Variants in PCDHGB7 observed in about 807,000 individuals in gnomAD.
The protein encoded by PCDHGB7 is protocadherin gamma-B7.
A neutral mutation model predicts 61.4 loss-of-function variants in PCDHGB7; 37 were observed. The ratio of observed to expected loss-of-function variants is 0.60; its 90% CI spans 0.46 to 0.79. The LOEUF is 0.79. Among genes scored for constraint, PCDHGB7 ranks in the 30% least tolerant of loss-of-function variants. The pLI is 0.00. For synonymous variants in PCDHGB7, 464 were observed against 503.5 expected (o/e 0.92, Z 1.05); for missense variants, 1,166 against 1,202.5 (o/e 0.97, Z 0.45).
In PCDHGB7 at chr5:141,512,903, C is replaced by G. The variant is rs2099884492; in HGVS notation, c.*1730C>G. On this transcript the variant is annotated 3_prime_UTR_variant, in exon 4 of 4. Coordinates refer to ENST00000398594, the MANE Select transcript of PCDHGB7 (RefSeq NM_018927.4). ...CCCCACCCTCTTCCTGTGTCTCACG[C>G]AAGTTTTATACTCTAATATTTATAT... 6.6e-6 allele frequency: 1 copy of G among 152,224 alleles called. No homozygotes were observed. Among genetic ancestry groups the G allele is most frequent in the African/African-American group, 2.4e-5 (1 of 41,452 alleles). 9.4% of individuals were successfully genotyped at this position (152,224 alleles called of 1,614,324 possible).
At chr5:141,450,509 G>A (rs2098683055) in intron 1 of PCDHGB7, among the ~76,000 whole-genome samples, 1 of 151,878 alleles carries the variant, frequency 6.6e-6, no homozygotes, top group African/African-American at 2.4e-5. Flanking sequence ...GTTTTGAGAT[G>A]GAGTCTCATT....
chr5:141,478,145 T>C (rs1252008984), intron 1 of PCDHGB7: 1 of 1,614,026 alleles, frequency 6.2e-7, no homozygotes. Context: ...CCGAGCCGAG[T>C]TCCCCTCTGG....
intron 3 of PCDHGB7, among the ~76,000 whole-genome samples, chr5:141,506,363 C>T (rs1013247178): frequency 4.0e-5 from 6 of 150,792 alleles, no homozygotes; most frequent in South Asian, 4.2e-4. Context: ...GCAGGAGAAT[C>T]GCTTGAACCT....
intron 1 of PCDHGB7, among the ~76,000 whole-genome samples, chr5:141,450,047 C>T (rs2098667027): frequency 2.2e-5 from 3 of 136,836 alleles, no homozygotes; most frequent in African/African-American, 8.5e-5. Flanking sequence ...CACTCTTTCG[C>T]CCAGGCTGGA....
Position 141,419,264 on chromosome 5 carries a change from G to T in PCDHGB7, c.1405G>T (p.Ala469Ser), listed in dbSNP as rs2096351955. 6.2e-7 allele frequency: 1 copy of T among 1,614,036 alleles called. No homozygotes were observed. Among genetic ancestry groups the T allele is most frequent in the Non-Finnish European group, 8.5e-7 (1 of 1,179,892 alleles). Residue 469 changes from alanine (A) to serine (S), a missense_variant, in exon 1 of 4, where the codon GCC (alanine) becomes TCC (serine). Ala to Ser is a moderately conservative substitution (Grantham distance 99, BLOSUM62 1). Transcript: ENST00000398594. ...CGTGCCAGAAAACAACCAGCCGGGT[G>T]CCTCCATAGCGCAAGTCAGTGCCTC... The part of the protein sequence containing the change: ...VHVPENNQPG[A>S]SIAQVSASDP...
In PCDHGB7 at chr5:141,427,541, C is replaced by G. The variant is rs541988301; in HGVS notation, c.2415+7267C>G. ...AGCGGATCCCGGAGTACAACGTCACCATCACTGCCACTGACAAGGGCAAGC... is the reference window on the plus strand; with the variant it reads ...AGCGGATCCCGGAGTACAACGTCACGATCACTGCCACTGACAAGGGCAAGC... On this transcript the variant is annotated intron_variant, in intron 1 of 3. Coordinates refer to ENST00000398594, the MANE Select transcript of PCDHGB7 (RefSeq NM_018927.4). 3.1e-5 allele frequency: 20 copies of G among 635,320 alleles called. No individual in the cohort carries two copies. The African/African-American group carries it at 3.6e-4, about 11-fold the overall frequency. The allele number at this position is 635,320 out of a possible 1,614,324, so 39.4% of individuals were successfully genotyped here.
Position 141,491,522 on chromosome 5 carries a change from A to G in PCDHGB7, c.2416-3285A>G, listed in dbSNP as rs778246278. ...TCGGACGGCACGCTCAAGTACATGG[A>G]GGTGACGCTGCGGCCCACAGACTCG... is the stretch of plus-strand genomic sequence containing the variant. On this transcript the variant is annotated intron_variant, in intron 1 of 3. Coordinates refer to ENST00000398594, the MANE Select transcript of PCDHGB7 (RefSeq NM_018927.4). The surrounding 1 kb of genome is among the most constrained non-coding windows in gnomAD (Gnocchi z 6.9). 8.1e-6 allele frequency: 13 copies of G among 1,614,024 alleles called. No homozygotes were observed. Among genetic ancestry groups the G allele is most frequent in the Non-Finnish European group, 1.1e-5 (13 of 1,180,002 alleles).
At chr5:141,466,280 C>T (rs1181499549) in intron 1 of PCDHGB7, among the ~76,000 whole-genome samples, 1 of 152,142 alleles carries the variant, frequency 6.6e-6, no homozygotes, top group Admixed American at 6.6e-5. Flanking sequence ...AAGCAATCTT[C>T]CCACCTCAGG....
At chr5:141,495,419 C>A (rs1434107823) in intron 2 of PCDHGB7, among the ~76,000 whole-genome samples, 1 of 152,228 alleles carries the variant, frequency 6.6e-6, no homozygotes, top group Non-Finnish European at 1.5e-5. Context: ...CCGGCCCCTC[C>A]TCCCACTGTC....
At position 141,494,826 on chromosome 5, in the gene PCDHGB7, A is replaced by C; in HGVS notation, c.2435A>C (p.Asp812Ala). The change falls in exon 2 of 4, where the codon GAC becomes GCC. Residue 812 changes from aspartate to alanine, a missense_variant. Asp to Ala is a moderately radical substitution (Grantham distance 126, BLOSUM62 -2). Transcript: ENST00000398594. The part of the protein sequence containing the change: ...ILKQQAPPNT[D>A]WRFSQAQRPG... ...CCACAGCAAGCCCCGCCCAACACGGACTGGCGTTTCTCTCAGGCCCAGAGA... is the reference window on the plus strand; with the variant it reads ...CCACAGCAAGCCCCGCCCAACACGGCCTGGCGTTTCTCTCAGGCCCAGAGA... 4 of 1,613,960 alleles carry C rather than the reference A, an allele frequency of 2.5e-6. No individual in the cohort carries two copies. Among genetic ancestry groups the C allele is most frequent in the Non-Finnish European group, 3.4e-6 (4 of 1,179,976 alleles).
rs1247720013 is a variant in PCDHGB7, at chr5:141,417,842, C to G, written c.-18C>G. 1.3e-6 allele frequency: 2 copies of G among 1,537,166 alleles called. No homozygotes were observed. The highest frequency in any genetic ancestry group is 2.0e-5 in the Admixed American group (1 of 49,274). ...TCCAACTGGAAAAGCGGGGACCCAG[C>G]GAGAACCCGAGCGAACGATGGGAGG... is the stretch of plus-strand genomic sequence containing the variant. On this transcript the variant is annotated 5_prime_UTR_variant, in exon 1 of 4. Coordinates refer to ENST00000398594, the MANE Select transcript of PCDHGB7 (RefSeq NM_018927.4).
At position 141,489,852 on chromosome 5, in the gene PCDHGB7, C is replaced by G. The variant is rs1197191101; in HGVS notation, c.2416-4955C>G. ...TAGAGCAGCAGCTGGATCGTGAAGC[C>G]CAGGCAAGACATCAGCTGGTGCTTA... On this transcript the variant is annotated intron_variant, in intron 1 of 3. Transcript: ENST00000398594. This position sits in a 1 kb window ranked among gnomAD's most constrained non-coding sequence, Gnocchi z 4.5. The G allele has an allele frequency of 6.2e-7, 1 of 1,614,034 alleles. No homozygotes were observed. Among genetic ancestry groups the G allele is most frequent in the Admixed American group, 1.7e-5 (1 of 60,004 alleles).
intron 1 of PCDHGB7, among the ~76,000 whole-genome samples, chr5:141,436,720 A>G (rs1337926057): frequency 1.5e-4 from 23 of 152,216 alleles, no homozygotes; most frequent in Non-Finnish European, 3.4e-4. Context: ...TCTGTTGGGA[A>G]AAATAATAAT....
chr5:141,499,029 A>AAGGAAGGAAGG lies in PCDHGB7; in HGVS notation c.2474+4165_2474+4166insGGAAGGAAGGA, dbSNP rs1562187768. ...GGAAGGAAGGAAGGAAGGAAGGAAG[A>AAGGAAGGAAGG]AAAGAAAGAAAAAGGGAGAAAAAAT... On this transcript the variant is annotated intron_variant, in intron 2 of 3. Transcript: ENST00000398594. 4.1e-4 allele frequency among the ~76,000 whole-genome samples: 57 copies of AAGGAAGGAAGG among 140,074 alleles called. 2 individuals are homozygous for AAGGAAGGAAGG. Among genetic ancestry groups the AAGGAAGGAAGG allele is most frequent in the African/African-American group, 1.4e-3 (52 of 36,074 alleles). 91.9% of individuals were successfully genotyped at this position (140,074 alleles called of 152,430 possible).
chr5:141,492,079 G>C (rs1400390407), intron 1 of PCDHGB7: 3 of 486,286 alleles, frequency 6.2e-6, no homozygotes, highest in South Asian at 4.1e-5. Flanking sequence ...CGCCGGCTCC[G>C]GCACGCTTCG....
rs1250096461 is a variant in PCDHGB7 at position 141,485,533 on chromosome 5, G to A, written c.2416-9274G>A. 6.2e-7 allele frequency: 1 copy of A among 1,614,084 alleles called. No homozygotes were observed. Among genetic ancestry groups the A allele is most frequent in the Non-Finnish European group, 8.5e-7 (1 of 1,180,034 alleles). On this transcript the variant is annotated intron_variant, in intron 1 of 3. Coordinates refer to ENST00000398594, the MANE Select transcript of PCDHGB7 (RefSeq NM_018927.4). This position sits in a 1 kb window ranked among gnomAD's most constrained non-coding sequence, Gnocchi z 5.7. ...GTCCTTTGGAAATGTACCGAGCAGA[G>A]GTAGAGATCGTAGATGTGAATGATC...
At chr5:141,499,399 C>A (rs2099791676) in intron 2 of PCDHGB7, among the ~76,000 whole-genome samples, 1 of 152,072 alleles carries the variant, frequency 6.6e-6, no homozygotes, top group Non-Finnish European at 1.5e-5. Flanking sequence ...ATAGTACATG[C>A]TCATTATAGA....
At chr5:141,510,754 C>G (rs1407911674) in intron 3 of PCDHGB7, among the ~76,000 whole-genome samples, 193 bp from the exon 4 acceptor site, 3 of 152,168 alleles carry the variant, frequency 2.0e-5, no homozygotes, top group African/African-American at 7.2e-5. Flanking sequence ...GACTTTCTCA[C>G]TCCAGAGCCT....
intron 2 of PCDHGB7, among the ~76,000 whole-genome samples, chr5:141,500,184 TTTTATTTA>T (rs58019021): frequency 0.099 from 13,469 of 135,812 alleles, 757 homozygotes; most frequent in African/African-American, 0.15. Context: ...TCATTTTTAT[TTTTATTTA>T]TTTATTTATT....
Sources: gnomAD v4.1 joint callset for allele counts (sites outside exome capture counted in the v4.1 genomes callset) on GRCh38, gnomAD v4.1.1 for gene constraint, Gnocchi (gnomAD v3.1) non-coding constraint, MANE v1.5 for transcripts, NCBI Gene and HGNC (gene_info 2026-07-23, HGNC 2026-07-21) for gene names.